NPHS2: variants seen among roughly 807,000 people sequenced by gnomAD.
NPHS2 encodes NPHS2 stomatin family member, podocin.
A neutral mutation model predicts 37.1 loss-of-function variants in NPHS2; 36 were observed. That is an observed-to-expected ratio of 0.97 (90% CI 0.74 to 1.28). The LOEUF (loss-of-function observed/expected upper bound fraction) is 1.28. NPHS2 is among the 50% of genes most tolerant of loss of function. NPHS2 has a pLI of 0.00. For synonymous variants in NPHS2, 196 were observed against 189.3 expected (o/e 1.04, Z -0.29); for missense variants, 447 against 488.1 (o/e 0.92, Z 0.79).
chr1:179,566,859 A>G (rs1411042102), intron 1 of NPHS2, among the ~76,000 whole-genome samples: 1 of 152,158 alleles, frequency 6.6e-6, no homozygotes, highest in Non-Finnish European at 1.5e-5. Context: ...GGGTTTGTCA[A>G]AGATCAGATG....
rs1673230846 is a variant in NPHS2 at position 179,551,297 on chromosome 1, G to A, written c.1028C>T (p.Pro343Leu). The A allele has an allele frequency of 6.2e-7, 1 of 1,614,012 alleles. No homozygotes were observed. The highest frequency in any genetic ancestry group is 1.3e-5 in the African/African-American group (1 of 74,906). The part of the protein sequence containing the change: ...EKPSTVVLPL[P>L]FDLLNCLSSP... ...AGACAGGCAATTCAGTAGGTCAAAT[G>A]GCAAAGGTAAAACCACAGTGGAAGG... Residue 343 changes from proline to leucine, a missense_variant, in exon 8 of 8, where the codon CCA becomes CTA. Physicochemically the swap from Pro to Leu is moderately conservative, Grantham distance 98 (BLOSUM62 -3). Transcript: ENST00000367615.
intron 1 of NPHS2, among the ~76,000 whole-genome samples, chr1:179,572,816 TTTC>T (rs1374110800): frequency 6.6e-6 from 1 of 151,666 alleles, no homozygotes; most frequent in Non-Finnish European, 1.5e-5. Flanking sequence ...TCTTTCTTTC[TTTC>T]TTTTCTTTCA....
chr1:179,559,155 C>T (rs1674043949), intron 4 of NPHS2, among the ~76,000 whole-genome samples: 1 of 152,188 alleles, frequency 6.6e-6, no homozygotes. Flanking sequence ...AGAATTCCTT[C>T]CTCCTCAAAG....
At chr1:179,570,820 A>C (rs544604121) in intron 1 of NPHS2, among the ~76,000 whole-genome samples, 19 of 152,232 alleles carry the variant, frequency 1.2e-4, no homozygotes, top group South Asian at 1.2e-3. Flanking sequence ...TTTGATCTTC[A>C]GTCACTGATA....
intron 4 of NPHS2, 48 bp downstream of exon 4, chr1:179,559,611 TCATTTTGTCCACGGTAGGTA>T: frequency 9.9e-7 from 1 of 1,010,684 alleles, no homozygotes; most frequent in Non-Finnish European, 1.5e-6. Context: ...GTATAAATAA[TCATTTTGTCCACGGTAGGTA>T]GACCATGGAA....
At position 179,552,344 on chromosome 1, in the gene NPHS2, G is replaced by T. The variant is rs79569192; in HGVS notation, c.873+259C>A. 9.0e-3 allele frequency: 4,915 copies of T among 544,906 alleles called. 147 individuals carry two copies. The highest frequency in any genetic ancestry group is 0.063 in the Admixed American group (2,094 of 33,144). The allele number at this position is 544,906 out of a possible 1,614,324, so 33.8% of individuals were successfully genotyped here. On this transcript the variant is annotated intron_variant, in intron 7 of 7. Coordinates refer to ENST00000367615, the MANE Select transcript of NPHS2 (RefSeq NM_014625.4). ...AGGGATTGATGTGTGTGGAGGAGAT[G>T]CCTTTAAGGAGAGAGAGGGAAGGTG...
At chr1:179,573,896 T>A (rs909418309) in intron 1 of NPHS2, among the ~76,000 whole-genome samples, 6 of 152,216 alleles carry the variant, frequency 3.9e-5, no homozygotes, top group African/African-American at 1.2e-4. Context: ...TTTAAGTGAA[T>A]AGTGAAACAT....
At chr1:179,558,514 G>A (rs935191391) in intron 4 of NPHS2, among the ~76,000 whole-genome samples, 5 of 152,018 alleles carry the variant, frequency 3.3e-5, no homozygotes, top group African/African-American at 9.7e-5. Flanking sequence ...TCTTCCTTTT[G>A]GTTATTGTGA....
At chr1:179,572,448 A>C (rs777746184) in intron 1 of NPHS2, among the ~76,000 whole-genome samples, 17 of 152,246 alleles carry the variant, frequency 1.1e-4, no homozygotes, top group Non-Finnish European at 2.2e-4. Context: ...ATGAAACAAT[A>C]TCAAGGAGAG....
At chr1:179,571,374 T>C (rs1026947527) in intron 1 of NPHS2, among the ~76,000 whole-genome samples, 1 of 152,238 alleles carries the variant, frequency 6.6e-6, no homozygotes, top group African/African-American at 2.4e-5. Context: ...AGACCCCGTT[T>C]GCCTGGGTAT....
chr1:179,553,647 G>C (rs915568966), intron 6 of NPHS2, among the ~76,000 whole-genome samples: 1 of 152,152 alleles, frequency 6.6e-6, no homozygotes, highest in African/African-American at 2.4e-5. Flanking sequence ...TTCCTTTCGG[G>C]ATGATGAAAA....
chr1:179,551,168 C>T lies in NPHS2; in HGVS notation c.*5G>A, dbSNP rs1370294179. On this transcript the variant is annotated 3_prime_UTR_variant, in exon 8 of 8. Coordinates refer to ENST00000367615, the MANE Select transcript of NPHS2 (RefSeq NM_014625.4). ...CCTTTACAGTCACATTATGCCCCAT[C>T]CTTCCTATAACATGGGAGAGTCTTT... is the stretch of plus-strand genomic sequence containing the variant. The T allele has an allele frequency of 1.9e-6, 3 of 1,613,800 alleles. No homozygotes were observed. Among genetic ancestry groups the T allele is most frequent in the Non-Finnish European group, 2.5e-6 (3 of 1,180,012 alleles).
intron 3 of NPHS2, 98 bp downstream of exon 3, chr1:179,561,191 C>G (rs557117885): frequency 1.2e-6 from 1 of 847,530 alleles, no homozygotes; most frequent in South Asian, 1.3e-5. Flanking sequence ...AATCAAGTTA[C>G]TTCATTTAAT....
chr1:179,559,783 T>G, intron 3 of NPHS2, 22 bp from the exon 4 acceptor site: 1 of 1,490,112 alleles, frequency 6.7e-7, no homozygotes, highest in Non-Finnish European at 9.2e-7. Context: ...GAGGAGGAAG[T>G]GACAGATAAA....
intron 2 of NPHS2, among the ~76,000 whole-genome samples, chr1:179,561,758 T>A (rs1674145171): frequency 6.6e-6 from 1 of 152,202 alleles, no homozygotes; most frequent in South Asian, 2.1e-4. Context: ...CTTGTGATGT[T>A]TTGTTTCAGA....
intron 2 of NPHS2, among the ~76,000 whole-genome samples, chr1:179,561,614 C>T (rs1437940870): frequency 6.6e-6 from 1 of 152,176 alleles, no homozygotes; most frequent in African/African-American, 2.4e-5. Flanking sequence ...TATCTAAAAT[C>T]CATGGCCAAC....
chr1:179,559,591 C>G (rs1674058560), intron 4 of NPHS2, 88 bp downstream of exon 4: 3 of 888,788 alleles, frequency 3.4e-6, no homozygotes, highest in Non-Finnish European at 5.4e-6. Context: ...TTTTTCTTTC[C>G]TATTTTTGAG....
chr1:179,566,639 C>T (rs187365071), intron 1 of NPHS2, among the ~76,000 whole-genome samples: 1 of 152,272 alleles, frequency 6.6e-6, no homozygotes, highest in East Asian at 1.9e-4. Flanking sequence ...AGTCCTTGTC[C>T]ATGCCTATGT....
intron 1 of NPHS2, among the ~76,000 whole-genome samples, chr1:179,569,392 T>G (rs1674465038): frequency 6.6e-6 from 1 of 152,220 alleles, no homozygotes; most frequent in Non-Finnish European, 1.5e-5. Context: ...TTCCATTTCC[T>G]TGGTAGATCT....
Sources: allele counts gnomAD v4.1 joint callset (sites outside exome capture counted in the v4.1 genomes callset), GRCh38; gene constraint gnomAD v4.1.1; transcripts MANE v1.5; gene names NCBI Gene and HGNC (gene_info 2026-07-23, HGNC 2026-07-21).